RPGRIP1: variants seen among roughly 807,000 people sequenced by gnomAD.
RPGRIP1 encodes X-linked retinitis pigmentosa GTPase regulator-interacting protein 1.
In RPGRIP1, 128 loss-of-function variants were observed where a neutral mutation model predicts 157.9. The ratio of observed to expected loss-of-function variants is 0.81; its 90% CI spans 0.70 to 0.94. RPGRIP1 has a LOEUF of 0.94. RPGRIP1 is among the 40% of genes least tolerant of loss of function. The pLI is 0.00. For synonymous variants in RPGRIP1, 554 were observed against 571.6 expected (o/e 0.97, Z 0.44); for missense variants, 1,486 against 1,545.8 (o/e 0.96, Z 0.65).
chr14:21,320,095 C>T lies in RPGRIP1; in HGVS notation c.1385C>T (p.Ala462Val). The change falls in exon 12 of 25, where the codon GCA becomes GTA. Residue 462 changes from alanine (A) to valine (V), a missense_variant. Ala to Val is a moderately conservative substitution (Grantham distance 64). Transcript: ENST00000400017. ...HKQEVELLQNAATISQPPDRQ... is the reference protein window; with the variant it reads ...HKQEVELLQNVATISQPPDRQ... ...CAGGAAGTAGAGCTCCTCCAAAATG[C>T]AGCCACAATTTCCCAACCTCCTGAC... 1 of 1,613,674 alleles carries T rather than the reference C, an allele frequency of 6.2e-7. No homozygotes were observed. Among genetic ancestry groups the T allele is most frequent in the Non-Finnish European group, 8.5e-7 (1 of 1,179,750 alleles).
intron 20 of RPGRIP1, among the ~76,000 whole-genome samples, chr14:21,331,923 T>A (rs1883835048): frequency 6.7e-6 from 1 of 149,256 alleles, no homozygotes; most frequent in Admixed American, 6.7e-5. Context: ...TAGAAGCATT[T>A]TATATATATA....
chr14:21,304,946 C>T (rs1040490480), intron 6 of RPGRIP1, among the ~76,000 whole-genome samples: 1 of 151,926 alleles, frequency 6.6e-6, no homozygotes, highest in Non-Finnish European at 1.5e-5. Flanking sequence ...GGACTACAGG[C>T]GCCCGCCACC....
At chr14:21,322,093 C>CA in intron 14 of RPGRIP1, 89 bp downstream of exon 14, 1 of 1,053,904 alleles carries the variant, frequency 9.5e-7, no homozygotes, top group Non-Finnish European at 1.4e-6. Flanking sequence ...AAGAAGGGTG[C>CA]CTCTCATACC....
At chr14:21,281,585 G>A (rs1880125316) in intron 1 of RPGRIP1, among the ~76,000 whole-genome samples, 1 of 151,310 alleles carries the variant, frequency 6.6e-6, no homozygotes, top group African/African-American at 2.4e-5. Flanking sequence ...GCTGCCTGGG[G>A]GGCTGAGACA....
At chr14:21,341,073 T>C (rs2139325406) in intron 21 of RPGRIP1, among the ~76,000 whole-genome samples, 1 of 152,304 alleles carries the variant, frequency 6.6e-6, no homozygotes, top group Middle Eastern at 3.4e-3. Context: ...TGAGACCCAG[T>C]CTCACTCTGT....
At position 21,326,008 on chromosome 14, in the gene RPGRIP1, G is replaced by T. The variant is rs759534237; in HGVS notation, c.2545G>T (p.Asp849Tyr). The stretch of plus-strand genomic sequence containing the variant: ...AGCCAGTAACAACCCCTACTTTAGA[G>T]ACCAGGCTCGATTCCCAGTGCTTGT... ...IPASNNPYFR[D>Y]QARFPVLVTS... Residue 849 changes from aspartate to tyrosine, a missense_variant, in exon 17 of 25, where the codon GAC (aspartate) becomes TAC (tyrosine). By Grantham distance (160) the Asp-to-Tyr change is radical. Transcript: ENST00000400017. The T allele has an allele frequency of 6.2e-7, 1 of 1,614,002 alleles. No individual in the cohort carries two copies. Among genetic ancestry groups the T allele is most frequent in the East Asian group, 2.2e-5 (1 of 44,882 alleles).
In RPGRIP1 at chr14:21,291,774, T is replaced by G. The variant is rs907536790; in HGVS notation, c.86-2903T>G. ...TTTTTGTTTTCTGTTTTTTGTTTTT[T>G]GTTGAGATGGAGTCTCGCTTTTGTT... On this transcript the variant is annotated intron_variant, in intron 2 of 24. Coordinates refer to ENST00000400017, the MANE Select transcript of RPGRIP1 (RefSeq NM_020366.4). Among the ~76,000 whole-genome samples, 4 of 152,130 alleles carry G rather than the reference T, an allele frequency of 2.6e-5. No homozygotes were observed. The East Asian group carries it at 5.8e-4, about 22-fold the overall frequency.
At chr14:21,344,439 G>C (rs1885354278) in intron 22 of RPGRIP1, among the ~76,000 whole-genome samples, 1 of 151,940 alleles carries the variant, frequency 6.6e-6, no homozygotes, top group African/African-American at 2.4e-5. Flanking sequence ...CATTATTACT[G>C]CTGCTCATGG....
At chr14:21,330,174 A>G (rs1883583989) in intron 19 of RPGRIP1, 75 bp from the exon 20 acceptor site, 2 of 996,360 alleles carry the variant, frequency 2.0e-6, no homozygotes, top group African/African-American at 1.7e-5. Flanking sequence ...TTTAAAAAGA[A>G]GGCAGGAAGG....
At chr14:21,328,827 G>A (rs532426636) in intron 19 of RPGRIP1, among the ~76,000 whole-genome samples, 200 bp downstream of exon 19, 12 of 151,866 alleles carry the variant, frequency 7.9e-5, no homozygotes, top group African/African-American at 2.2e-4. Flanking sequence ...TGGCCAACAC[G>A]GTGAACTCCT....
At chr14:21,302,873 T>G (rs1490337284) in intron 5 of RPGRIP1, 2 of 185,822 alleles carry the variant, frequency 1.1e-5, no homozygotes, top group East Asian at 1.2e-4. Flanking sequence ...GTGTTTTTTT[T>G]TTTTTTTTTT....
chr14:21,328,079 G>T (rs1008477612), intron 18 of RPGRIP1, among the ~76,000 whole-genome samples: 2 of 152,176 alleles, frequency 1.3e-5, no homozygotes, highest in South Asian at 2.1e-4. Flanking sequence ...TGAGGCAGGA[G>T]AATCACTTGA....
chr14:21,280,637 T>C (rs1416719048), intron 1 of RPGRIP1, among the ~76,000 whole-genome samples: 3 of 152,166 alleles, frequency 2.0e-5, no homozygotes, highest in African/African-American at 7.2e-5. Context: ...CTCTTAACTC[T>C]ATCTCACGTC....
chr14:21,282,150 G>C (rs1032386401), intron 1 of RPGRIP1, among the ~76,000 whole-genome samples: 13 of 152,270 alleles, frequency 8.5e-5, no homozygotes, highest in African/African-American at 2.6e-4. Flanking sequence ...GGCTTTATAC[G>C]TCTATCCATC....
chr14:21,345,035 A>T, intron 22 of RPGRIP1, 78 bp from the exon 23 acceptor site: 1 of 899,394 alleles, frequency 1.1e-6, no homozygotes, highest in Admixed American at 1.8e-5. Context: ...ACTACCATGA[A>T]TACCACTAAT....
In RPGRIP1 at chr14:21,282,132, A is replaced by C. The variant is rs1211963670; in HGVS notation, c.-39+1973A>C. Among the ~76,000 whole-genome samples the C allele has an allele frequency of 3.9e-5, 6 of 152,320 alleles. No homozygotes were observed. The East Asian group carries it at 1.2e-3, about 29-fold the overall frequency. On this transcript the variant is annotated intron_variant, in intron 1 of 24. Transcript: ENST00000400017. ...AAAGAAAATTTTAATTGCTGATGTC[A>C]TCAAGCTGGCTTTATACGTCTATCC...
At position 21,325,894 on chromosome 14, in the gene RPGRIP1, C is replaced by T. The variant is rs1883036105; in HGVS notation, c.2431C>T (p.Leu811Phe). 1.2e-6 allele frequency: 2 copies of T among 1,613,988 alleles called. No individual in the cohort carries two copies. Among genetic ancestry groups the T allele is most frequent in the Non-Finnish European group, 1.7e-6 (2 of 1,179,878 alleles). The change falls in exon 17 of 25, where the codon CTC becomes TTC. Residue 811 changes from leucine (L) to phenylalanine (F), a missense_variant. Coordinates refer to ENST00000400017, the MANE Select transcript of RPGRIP1 (RefSeq NM_020366.4). ...GATTGAAATCACCAAGTGCTGTGGC[C>T]TCCGGAGTCGATGGCTGGGAACTCA... The part of the protein sequence containing the change: ...LWIEITKCCG[L>F]RSRWLGTQPS...
chr14:21,333,924 C>CTTTTTTT (rs372543522), intron 20 of RPGRIP1, among the ~76,000 whole-genome samples: 8 of 130,544 alleles, frequency 6.1e-5, no homozygotes, highest in Middle Eastern at 4.0e-3. Context: ...TTGAGGCCAC[C>CTTTTTTT]TTTTTTTTTT....
At chr14:21,331,758 T>C (rs1441528554) in intron 20 of RPGRIP1, among the ~76,000 whole-genome samples, 1 of 152,002 alleles carries the variant, frequency 6.6e-6, no homozygotes, top group African/African-American at 2.4e-5. Flanking sequence ...GAGATGTTCA[T>C]TTTACAACAA....
Sources: allele counts gnomAD v4.1 joint callset (sites outside exome capture counted in the v4.1 genomes callset), GRCh38; gene constraint gnomAD v4.1.1; transcripts MANE v1.5; gene names NCBI Gene and HGNC (gene_info 2026-07-23, HGNC 2026-07-21).